Variants in RPL27 observed in about 807,000 individuals in gnomAD.
RPL27 encodes ribosomal protein L27, also known as large ribosomal subunit protein eL27.
For missense variants in RPL27, 131 were observed against 174.3 expected (o/e 0.75, Z 1.40); for synonymous variants, 77 against 61.0 (o/e 1.26, Z -1.22).
At chr17:43,001,487 G>A (rs2050361649) in intron 3 of RPL27, among the ~76,000 whole-genome samples, 1 of 151,122 alleles carries the variant, frequency 6.6e-6, no homozygotes, top group Non-Finnish European at 1.5e-5. Flanking sequence ...TGGGCATGGT[G>A]GCTGGCACAT....
At chr17:42,998,529 G>C in intron 1 of RPL27, 58 bp downstream of exon 1, 1 of 440,768 alleles carries the variant, frequency 2.3e-6, no homozygotes, top group Non-Finnish European at 4.1e-6. Flanking sequence ...CTTGGGGGTC[G>C]AAGGTCCGGG....
intron 2 of RPL27, 186 bp from the exon 3 acceptor site, chr17:42,999,747 C>G: frequency 1.8e-6 from 1 of 566,592 alleles, no homozygotes; most frequent in Non-Finnish European, 3.1e-6. Context: ...CAGATGCTTC[C>G]TGATGGAGAT....
intron 1 of RPL27, 58 bp downstream of exon 1, chr17:42,998,529 G>A (rs1455967431): frequency 9.1e-6 from 4 of 440,650 alleles, no homozygotes; most frequent in African/African-American, 2.1e-5. Flanking sequence ...CTTGGGGGTC[G>A]AAGGTCCGGG....
In RPL27 at chr17:43,002,690, C is replaced by T. The variant is rs376827420; in HGVS notation, c.269C>T (p.Pro90Leu). 24 of 1,612,210 alleles carry T rather than the reference C, an allele frequency of 1.5e-5. No individual in the cohort carries two copies. The highest frequency in any genetic ancestry group is 2.0e-5 in the Non-Finnish European group (24 of 1,178,466). Residue 90 changes from proline (P) to leucine (L), a missense_variant, in exon 4 of 5, where the codon CCC (proline) becomes CTC (leucine). By Grantham distance (98) the Pro-to-Leu change is moderately conservative. Transcript: ENST00000253788. ...LMPTRYSVDIPLDKTVVNKDV... is the reference protein window; with the variant it reads ...LMPTRYSVDILLDKTVVNKDV... Reference sequence around the variant, plus strand: ...GTCCCCAGGTACTCTGTGGATATCCCCTTGGACAAAACTGTCGTCAATAAG... The same window carrying T: ...GTCCCCAGGTACTCTGTGGATATCCTCTTGGACAAAACTGTCGTCAATAAG...
chr17:43,000,392 T>A (rs2050346985), intron 3 of RPL27, among the ~76,000 whole-genome samples: 1 of 152,134 alleles, frequency 6.6e-6, no homozygotes, highest in East Asian at 1.9e-4. Context: ...TGTGAGTGCG[T>A]GAAAGCAAGT....
intron 3 of RPL27, among the ~76,000 whole-genome samples, chr17:43,001,858 G>C (rs573071656): frequency 6.6e-6 from 1 of 151,480 alleles, no homozygotes; most frequent in African/African-American, 2.4e-5. Flanking sequence ...TTGGGAGGCC[G>C]AGGCAAGCGG....
At position 43,002,736 on chromosome 17, in the gene RPL27, T is replaced by G; in HGVS notation, c.315T>G (p.Ala105=). ...ATAAGGATGTCTTCAGAGATCCTGC[T>G]CTTAAACGCAAGGCCCGACGGGAGG... ...VVNKDVFRDP[A]LKRKARREAK... is the part of the protein sequence containing the mutation. Residue 105 remains alanine, a synonymous_variant, in exon 4 of 5, where the codon GCT becomes GCG. Coordinates refer to ENST00000253788, the MANE Select transcript of RPL27 (RefSeq NM_000988.5). The G allele has an allele frequency of 6.2e-7, 1 of 1,613,922 alleles. No individual in the cohort carries two copies.
At chr17:43,000,858 T>C (rs12952328) in intron 3 of RPL27, among the ~76,000 whole-genome samples, 140,611 of 149,980 alleles carry the variant, frequency 0.94, 66,587 homozygotes, top group East Asian at 1. Context: ...AGTTTGAGAC[T>C]AGCCTGACCA....
At chr17:43,001,028 A>G (rs1330347530) in intron 3 of RPL27, among the ~76,000 whole-genome samples, 1 of 150,262 alleles carries the variant, frequency 6.7e-6, no homozygotes, top group African/African-American at 2.5e-5. Context: ...CAGCCTGGGC[A>G]AGGAGAGCAA....
intron 1 of RPL27, 74 bp from the exon 2 acceptor site, chr17:42,998,675 G>C (rs2050325742): frequency 3.4e-6 from 4 of 1,184,092 alleles, no homozygotes; most frequent in Non-Finnish European, 5.0e-6. Flanking sequence ...ACCTGGGCTT[G>C]CTGGCAGGAG....
In RPL27 at chr17:43,000,049, A is replaced by C; in HGVS notation, c.198A>C (p.Ser66=). The change falls in exon 3 of 5, where the codon TCA becomes TCC. Residue 66 remains serine (S), a synonymous_variant. Transcript: ENST00000253788. ...GCAAGAAGAAGATCGCCAAGAGATC[A>C]AAGATAAAATCTTTTGTGAAAGTGT... is the stretch of plus-strand genomic sequence containing the variant. The part of the protein sequence containing the change: ...AMGKKKIAKR[S]KIKSFVKVYN... 1.9e-6 allele frequency: 3 copies of C among 1,613,228 alleles called. No individual in the cohort carries two copies. The highest frequency in any genetic ancestry group is 2.5e-6 in the Non-Finnish European group (3 of 1,179,980).
chr17:43,001,082 G>A (rs921246313), intron 3 of RPL27, among the ~76,000 whole-genome samples: 1 of 152,036 alleles, frequency 6.6e-6, no homozygotes, highest in Non-Finnish European at 1.5e-5. Flanking sequence ...AGTGGCTCAC[G>A]CCTACAATCC....
At chr17:42,999,882 G>A in intron 2 of RPL27, 51 bp from the exon 3 acceptor site, 1 of 1,502,632 alleles carries the variant, frequency 6.7e-7, no homozygotes. Context: ...CTCTAACACA[G>A]GGCCTAAATA....
chr17:42,998,404 C>G (rs2055508784), upstream of RPL27: 1 of 224,090 alleles, frequency 4.5e-6, no homozygotes, highest in Non-Finnish European at 9.1e-6. Flanking sequence ...TCACTCCTCA[C>G]CGGGGTGAAA....
At chr17:43,002,391 C>A (rs1330423485) in intron 3 of RPL27, among the ~76,000 whole-genome samples, 1 of 151,856 alleles carries the variant, frequency 6.6e-6, no homozygotes, top group Non-Finnish European at 1.5e-5. Context: ...CCTGTAGTCC[C>A]AGCTACTCGG....
At chr17:42,999,888 A>G in intron 2 of RPL27, 45 bp from the exon 3 acceptor site, 1 of 1,556,636 alleles carries the variant, frequency 6.4e-7, no homozygotes, top group Non-Finnish European at 8.8e-7. Flanking sequence ...CACAGGGCCT[A>G]AATAGGCCCT....
intron 2 of RPL27, 72 bp downstream of exon 2, chr17:42,998,903 G>A (rs919633956): frequency 8.9e-6 from 11 of 1,234,690 alleles, no homozygotes; most frequent in Non-Finnish European, 1.3e-5. Flanking sequence ...GGGCAGGCTT[G>A]GAATTCAAGG....
At chr17:43,000,486 G>T (rs4028324) in intron 3 of RPL27, among the ~76,000 whole-genome samples, 108,256 of 146,506 alleles carry the variant, frequency 0.74, 40,052 homozygotes, top group East Asian at 0.84. Context: ...GTTTTGTTTT[G>T]TTTTTTTTTG....
chr17:43,002,099 G>A (rs2050369040), intron 3 of RPL27, among the ~76,000 whole-genome samples: 2 of 151,658 alleles, frequency 1.3e-5, no homozygotes, highest in Non-Finnish European at 1.5e-5. Context: ...CTCAAAAAGT[G>A]GGGGAGGGCC....
Sources: allele counts gnomAD v4.1 joint callset (sites outside exome capture counted in the v4.1 genomes callset), GRCh38; gene constraint gnomAD v4.1.1; transcripts MANE v1.5; gene names NCBI Gene and HGNC (gene_info 2026-07-23, HGNC 2026-07-21).